The following SLC39A11 variants were observed in gnomAD, a reference collection of about 807,000 sequenced individuals.
SLC39A11 encodes the protein zinc transporter ZIP11.
Under a neutral mutation model 36.1 loss-of-function variants are expected in SLC39A11, and 33 were observed. That is an observed-to-expected ratio of 0.91 (90% CI 0.69 to 1.22). SLC39A11 has a LOEUF of 1.22. Ranked by LOEUF, SLC39A11 falls within the 50% of genes most tolerant of loss-of-function variation. The probability of loss-of-function intolerance (pLI) is 0.00; values close to 1 mark genes in which losing one functional copy is unlikely to be tolerated. For synonymous variants in SLC39A11, 166 were observed against 170.3 expected (o/e 0.97, Z 0.20); for missense variants, 432 against 430.3 (o/e 1.00, Z -0.03).
chr17:72,958,041 G>C (rs545747372), intron 4 of SLC39A11, among the ~76,000 whole-genome samples: 107 of 152,256 alleles, frequency 7.0e-4, no homozygotes, highest in African/African-American at 2.4e-3. Context: ...GAACAGAATA[G>C]AAACCCCAGA....
intron 6 of SLC39A11, among the ~76,000 whole-genome samples, chr17:72,847,403 T>TAA (rs5821924): frequency 9.9e-5 from 14 of 141,530 alleles, no homozygotes; most frequent in African/African-American, 2.9e-4. Flanking sequence ...CTCTGTCTCA[T>TAA]AAAAAAAAAA....
At chr17:72,900,493 T>C (rs1241617231) in intron 5 of SLC39A11, among the ~76,000 whole-genome samples, 1 of 151,984 alleles carries the variant, frequency 6.6e-6, no homozygotes, top group East Asian at 1.9e-4. Context: ...GGGGTGACAG[T>C]AAATGAGTCC....
chr17:72,708,592 G>T (rs1273635617), intron 7 of SLC39A11, among the ~76,000 whole-genome samples: 3 of 152,092 alleles, frequency 2.0e-5, no homozygotes, highest in African/African-American at 7.2e-5. Flanking sequence ...CCTAATATCG[G>T]GGATGGTCTC....
intron 6 of SLC39A11, among the ~76,000 whole-genome samples, chr17:72,843,015 T>C (rs1338970931): frequency 6.6e-6 from 1 of 152,196 alleles, no homozygotes; most frequent in African/African-American, 2.4e-5. Flanking sequence ...CATGGTGCGA[T>C]CTCGGCTCAC....
intron 6 of SLC39A11, among the ~76,000 whole-genome samples, chr17:72,773,644 TACACACACACAC>T (rs550889404): frequency 3.8e-5 from 3 of 78,840 alleles, no homozygotes; most frequent in East Asian, 3.3e-4. Context: ...GAGACCATCT[TACACACACACAC>T]ACACACACAC....
intron 4 of SLC39A11, among the ~76,000 whole-genome samples, chr17:72,960,534 G>A (rs1278239094): frequency 2.6e-5 from 4 of 152,170 alleles, no homozygotes; most frequent in Non-Finnish European, 5.9e-5. Context: ...GTTCACGCCT[G>A]TAATCCCAGC....
intron 6 of SLC39A11, among the ~76,000 whole-genome samples, chr17:72,814,492 C>T (rs1347177799): frequency 3.9e-5 from 6 of 152,194 alleles, no homozygotes; most frequent in Non-Finnish European, 8.8e-5. Flanking sequence ...TGGCATGCTC[C>T]TCTGGAGAAC....
chr17:73,026,439 C>T (rs903930973), intron 4 of SLC39A11, among the ~76,000 whole-genome samples: 2 of 147,212 alleles, frequency 1.4e-5, no homozygotes, highest in African/African-American at 2.5e-5. Flanking sequence ...CGCCTGAACC[C>T]GGGAGGGAGG....
chr17:73,033,071 TAG>T (rs1404713498), intron 3 of SLC39A11, among the ~76,000 whole-genome samples: 1 of 152,184 alleles, frequency 6.6e-6, no homozygotes, highest in Admixed American at 6.5e-5. Flanking sequence ...CATCGGGCAT[TAG>T]AGTCTCATAA....
At chr17:72,687,848 T>C (rs2071831308) in intron 7 of SLC39A11, among the ~76,000 whole-genome samples, 1 of 152,282 alleles carries the variant, frequency 6.6e-6, no homozygotes, top group South Asian at 2.1e-4. Flanking sequence ...GTAGGCATAA[T>C]TATTCCAATT....
intron 4 of SLC39A11, among the ~76,000 whole-genome samples, chr17:73,000,045 G>A (rs528958714): frequency 2.8e-4 from 42 of 152,150 alleles, no homozygotes; most frequent in African/African-American, 9.2e-4. Flanking sequence ...ACACCTGGCC[G>A]GTATCCTGTA....
At chr17:72,720,524 G>A (rs2073616632) in intron 7 of SLC39A11, among the ~76,000 whole-genome samples, 1 of 152,158 alleles carries the variant, frequency 6.6e-6, no homozygotes, top group African/African-American at 2.4e-5. Flanking sequence ...GGGAGGCAGG[G>A]AGTGGGGAGT....
chr17:72,744,759 G>C (rs1346708451), intron 6 of SLC39A11, among the ~76,000 whole-genome samples: 1 of 152,092 alleles, frequency 6.6e-6, no homozygotes, highest in African/African-American at 2.4e-5. Flanking sequence ...ACTCATGAGG[G>C]CTCCAACCTC....
Position 73,088,808 on chromosome 17 carries a change from G to C in SLC39A11, c.-11-33C>G, listed in dbSNP as rs537008933. Reference sequence around the variant, plus strand: ...AGAGGAGCGAGAGGGTCAGCCACCGGTGGTCCGTTTCAGTGACAGGCGCAT... The same window carrying C: ...AGAGGAGCGAGAGGGTCAGCCACCGCTGGTCCGTTTCAGTGACAGGCGCAT... On this transcript the variant is annotated intron_variant, in intron 1 of 9. Transcript: ENST00000255559. The C allele has an allele frequency of 2.7e-6, 4 of 1,500,252 alleles. No homozygotes were observed. In the South Asian group the frequency reaches 4.8e-5, roughly 18 times the overall value. The allele number at this position is 1,500,252 out of a possible 1,614,324, so 92.9% of individuals were successfully genotyped here.
intron 5 of SLC39A11, among the ~76,000 whole-genome samples, chr17:72,855,243 C>A (rs897837999): frequency 3.9e-5 from 6 of 152,178 alleles, no homozygotes; most frequent in Admixed American, 3.3e-4. Context: ...AGTTAACCTC[C>A]GTTTTCATAG....
intron 7 of SLC39A11, among the ~76,000 whole-genome samples, chr17:72,728,179 G>C (rs148937598): frequency 2.0e-5 from 3 of 152,290 alleles, no homozygotes; most frequent in Non-Finnish European, 2.9e-5. Flanking sequence ...AGGTGTGGTG[G>C]CTCACGCCTG....
chr17:72,892,401 C>A, intron 5 of SLC39A11, among the ~76,000 whole-genome samples: 1 of 141,744 alleles, frequency 7.1e-6, no homozygotes, highest in Non-Finnish European at 1.5e-5. Flanking sequence ...CAAAGTGAGA[C>A]TCCATCTCAA....
At chr17:72,742,580 G>A (rs532323003) in intron 6 of SLC39A11, among the ~76,000 whole-genome samples, 4 of 152,240 alleles carry the variant, frequency 2.6e-5, no homozygotes, top group South Asian at 2.1e-4. Flanking sequence ...CTAGACAGGC[G>A]TATCCCTCCC....
intron 2 of SLC39A11, among the ~76,000 whole-genome samples, chr17:73,086,824 A>G (rs528764684): frequency 6.6e-6 from 1 of 152,258 alleles, no homozygotes; most frequent in African/African-American, 2.4e-5. Context: ...TAGCTCAAAA[A>G]AAATAAAAAA....
Sources: allele counts gnomAD v4.1 joint callset (sites outside exome capture counted in the v4.1 genomes callset), GRCh38; gene constraint gnomAD v4.1.1; transcripts MANE v1.5; gene names NCBI Gene and HGNC (gene_info 2026-07-23, HGNC 2026-07-21).